The following PMS1 variants were observed in gnomAD, a reference collection of about 807,000 sequenced individuals.
PMS1 encodes the protein PMS1 protein homolog 1.
Under a neutral mutation model 93.1 loss-of-function variants are expected in PMS1, and 79 were observed. The ratio of observed to expected loss-of-function variants is 0.85; its 90% confidence interval spans 0.71 to 1.02. The LOEUF (loss-of-function observed/expected upper bound fraction) is 1.02. Ranked by LOEUF, PMS1 falls within the 50% of genes least tolerant of loss-of-function variation. The pLI is 0.00. For missense variants in PMS1, 1,064 were observed against 1,085.3 expected, an observed-to-expected ratio of 0.98 and a Z score of 0.28; for synonymous variants, 335 against 363.4, an observed-to-expected ratio of 0.92 and a Z score of 0.89.
chr2:189,812,628 T>C (rs1284203083), intron 4 of PMS1, among the ~76,000 whole-genome samples: 1 of 152,104 alleles, frequency 6.6e-6, no homozygotes, highest in Admixed American at 6.6e-5. Context: ...ACAAAAACTT[T>C]ACAAAAGGTA....
At chr2:189,871,708 T>A (rs2057164414) in intron 11 of PMS1, among the ~76,000 whole-genome samples, 2 of 152,390 alleles carry the variant, frequency 1.3e-5, no homozygotes, top group Admixed American at 1.3e-4. Context: ...TCTTCAGTTA[T>A]CTTTATAGCA....
chr2:189,806,448 A>G, intron 4 of PMS1: 1 of 315,350 alleles, frequency 3.2e-6, no homozygotes, highest in South Asian at 3.1e-5. Flanking sequence ...CACAGGCTGG[A>G]CTGCAGTGGC....
At chr2:189,808,384 G>A (rs1297885947) in intron 4 of PMS1, among the ~76,000 whole-genome samples, 1 of 152,116 alleles carries the variant, frequency 6.6e-6, no homozygotes, top group African/African-American at 2.4e-5. Flanking sequence ...CTGGAGTGCA[G>A]TGGCGTGATC....
intron 3 of PMS1, among the ~76,000 whole-genome samples, chr2:189,799,921 T>C (rs912793149): frequency 2.6e-5 from 4 of 152,236 alleles, no homozygotes; most frequent in Non-Finnish European, 4.4e-5. Context: ...GACTGCTCAC[T>C]AATCTCCATC....
At chr2:189,811,665 T>C (rs894813628) in intron 4 of PMS1, among the ~76,000 whole-genome samples, 1 of 152,134 alleles carries the variant, frequency 6.6e-6, no homozygotes, top group African/African-American at 2.4e-5. Context: ...TTCAAGATTT[T>C]TGAAAAGATA....
chr2:189,804,890 C>CT (rs894917691), intron 3 of PMS1, among the ~76,000 whole-genome samples: 67 of 151,306 alleles, frequency 4.4e-4, no homozygotes, highest in African/African-American at 1.4e-3. Flanking sequence ...CCACTCCCCA[C>CT]TTTTTTTTTG....
chr2:189,805,227 A>G (rs1016327292), intron 3 of PMS1, among the ~76,000 whole-genome samples: 3 of 152,104 alleles, frequency 2.0e-5, no homozygotes, highest in Admixed American at 1.3e-4. Flanking sequence ...GCAGTTTTAC[A>G]CATAATAAAG....
At chr2:189,846,159 G>A (rs256580) in intron 6 of PMS1, among the ~76,000 whole-genome samples, 43,870 of 151,818 alleles carry the variant, frequency 0.29, 10,769 homozygotes, top group African/African-American at 0.67. Context: ...GAGGCACTTG[G>A]GGCCAGAAGC....
chr2:189,854,124 CATAT>C (rs756867396), intron 8 of PMS1, 42 bp downstream of exon 8: 2 of 1,430,484 alleles, frequency 1.4e-6, no homozygotes, highest in Non-Finnish European at 9.6e-7. Context: ...TATTTATAAA[CATAT>C]ATTACTGTTT....
At position 189,863,964 on chromosome 2, in the gene PMS1, A is replaced by G. The variant is rs369814333; in HGVS notation, c.2078A>G (p.Asn693Ser). ...CAAATTGAAAAAAGAAGGAGTCAAA[A>G]TATTAAAATGGTACAGATCCCCTTT... ...QSQIEKRRSQ[N>S]IKMVQIPFSM... The change falls in exon 10 of 13, where the codon AAT becomes AGT. Residue 693 changes from asparagine (N) to serine (S), a missense_variant. By Grantham distance (46) the Asn-to-Ser change is conservative. Transcript: ENST00000441310. The G allele has an allele frequency of 6.2e-7, 1 of 1,609,080 alleles. No homozygotes were observed. Among genetic ancestry groups the G allele is most frequent in the Admixed American group, 1.7e-5 (1 of 59,674 alleles).
intron 10 of PMS1, 57 bp from the exon 11 acceptor site, chr2:189,867,742 G>T: frequency 1.5e-6 from 2 of 1,327,112 alleles, no homozygotes; most frequent in Non-Finnish European, 2.2e-6. Context: ...ACTTTTTCCC[G>T]TAAACCCCCT....
At chr2:189,830,484 C>T (rs2052828976) in intron 5 of PMS1, among the ~76,000 whole-genome samples, 1 of 152,202 alleles carries the variant, frequency 6.6e-6, no homozygotes, top group Admixed American at 6.5e-5. Context: ...ACCATTTCCC[C>T]TGTCCCCCCG....
chr2:189,856,926 C>A (rs1350006316), intron 9 of PMS1, among the ~76,000 whole-genome samples: 1 of 152,040 alleles, frequency 6.6e-6, no homozygotes, highest in Admixed American at 6.6e-5. Context: ...CCGGAATATT[C>A]CAGGTAATAT....
chr2:189,802,967 A>G (rs910692917), intron 3 of PMS1, among the ~76,000 whole-genome samples: 6 of 152,216 alleles, frequency 3.9e-5, no homozygotes, highest in African/African-American at 1.2e-4. Context: ...TAGGCTCCCC[A>G]TAGTGGGTAT....
chr2:189,787,238 G>A (rs2048435658), intron 1 of PMS1, among the ~76,000 whole-genome samples: 1 of 152,164 alleles, frequency 6.6e-6, no homozygotes, highest in Non-Finnish European at 1.5e-5. Flanking sequence ...TTGAAATTAT[G>A]TATATAAAGG....
chr2:189,846,096 A>G lies in PMS1; in HGVS notation c.699+2016A>G, dbSNP rs566700195. Among the ~76,000 whole-genome samples, 18 of 152,180 alleles carry G rather than the reference A, an allele frequency of 1.2e-4. 1 individual carries two copies. In the East Asian group the frequency reaches 1.6e-3, roughly 13 times the overall value. On this transcript the variant is annotated intron_variant, in intron 6 of 12. Coordinates refer to ENST00000441310, the MANE Select transcript of PMS1 (RefSeq NM_000534.5). ...GAGGGGACATGAGAGGTAATTTTTC[A>G]TGTCTGTGGCTGGGCGTGGTGGGTC...
chr2:189,790,980 C>A (rs147787488), intron 1 of PMS1, among the ~76,000 whole-genome samples: 2 of 151,694 alleles, frequency 1.3e-5, no homozygotes, highest in African/African-American at 4.8e-5. Flanking sequence ...ATACAGAGTT[C>A]GAGTTTGCAA....
At chr2:189,796,464 A>G (rs545089437) in intron 3 of PMS1, among the ~76,000 whole-genome samples, 1 of 152,332 alleles carries the variant, frequency 6.6e-6, no homozygotes, top group Admixed American at 6.5e-5. Context: ...TCGTGTATCT[A>G]TAACCATTAT....
intron 4 of PMS1, among the ~76,000 whole-genome samples, chr2:189,810,155 C>T (rs1017712045): frequency 7.2e-5 from 11 of 151,958 alleles, no homozygotes; most frequent in South Asian, 2.1e-4. Context: ...GAAAAGATGA[C>T]GTTTGAGTTT....
Sources: gnomAD v4.1 joint callset for allele counts (sites outside exome capture counted in the v4.1 genomes callset) on GRCh38, gnomAD v4.1.1 for gene constraint, MANE v1.5 for transcripts, NCBI Gene and HGNC (gene_info 2026-07-23, HGNC 2026-07-21) for gene names.